PRKAA1: variants seen among roughly 807,000 people sequenced by gnomAD.
PRKAA1 encodes the protein 5'-AMP-activated protein kinase catalytic subunit alpha-1.
PRKAA1 carries 23 observed loss-of-function variants against 56.9 expected under a neutral mutation model. That is an observed-to-expected ratio of 0.40 (90% CI 0.29 to 0.57). PRKAA1 has a LOEUF of 0.57. Among genes scored for constraint, PRKAA1 ranks in the 20% least tolerant of loss-of-function variants. The probability of loss-of-function intolerance (pLI) is 0.39; values close to 1 mark genes in which losing one functional copy is unlikely to be tolerated. For missense variants in PRKAA1, 413 were observed against 679.7 expected, an observed-to-expected ratio of 0.61 and a Z score of 4.36; for synonymous variants, 226 against 227.0, an observed-to-expected ratio of 1.00 and a Z score of 0.04.
chr5:40,775,513 G>A lies in PRKAA1; in HGVS notation c.270-10C>T, dbSNP rs1270915796. ...ACTGATGACCTGGTACCTGGTGAGA[G>A]AAAACATTGTCTACAAATATTAAAA... is the stretch of plus-strand genomic sequence containing the variant. On this transcript the variant is annotated splice_polypyrimidine_tract_variant and intron_variant, in intron 2 of 8. Transcript: ENST00000397128. 3 of 1,540,476 alleles carry A rather than the reference G, an allele frequency of 1.9e-6. No individual in the cohort carries two copies. The highest frequency in any genetic ancestry group is 1.4e-5 in the African/African-American group (1 of 73,362).
At position 40,761,765 on chromosome 5, in the gene PRKAA1, AAAT is replaced by A. The variant is rs1429830483; in HGVS notation, c.*1010_*1012del. 4 of 152,360 alleles carry A rather than the reference AAAT, an allele frequency of 2.6e-5. No individual in the cohort carries two copies. Among genetic ancestry groups the A allele is most frequent in the African/African-American group, 9.6e-5 (4 of 41,464 alleles). 9.4% of individuals were successfully genotyped at this position (152,360 alleles called of 1,614,324 possible). A position where few individuals can be genotyped will look rare whatever the true frequency, so the allele number is the denominator to read the frequency against. On this transcript the variant is annotated 3_prime_UTR_variant, in exon 9 of 9. Transcript: ENST00000397128. Reference sequence around the variant, plus strand: ...CCAGAGGAATTTGTGAAATTGGCAAAAATAATATGATTTATCTACAGTATATGC... The same window carrying A: ...CCAGAGGAATTTGTGAAATTGGCAAAAATATGATTTATCTACAGTATATGC...
At chr5:40,784,936 G>A (rs1451759232) in intron 1 of PRKAA1, among the ~76,000 whole-genome samples, 2 of 152,136 alleles carry the variant, frequency 1.3e-5, no homozygotes, top group African/African-American at 2.4e-5. Context: ...CAGAAGACAT[G>A]TAAAAATACA....
intron 5 of PRKAA1, chr5:40,768,825 A>T: frequency 6.7e-7 from 1 of 1,493,360 alleles, no homozygotes. Flanking sequence ...AAAAATATTA[A>T]ATTCTCCTGT....
intron 1 of PRKAA1, among the ~76,000 whole-genome samples, chr5:40,789,310 A>G (rs1298016005): frequency 6.6e-6 from 1 of 152,240 alleles, no homozygotes; most frequent in Non-Finnish European, 1.5e-5. Flanking sequence ...TAAAGCCACA[A>G]TAAGGTATCA....
At chr5:40,781,375 A>G (rs1477936764) in intron 1 of PRKAA1, among the ~76,000 whole-genome samples, 4 of 152,136 alleles carry the variant, frequency 2.6e-5, no homozygotes, top group African/African-American at 9.7e-5. Flanking sequence ...GAGAATATAT[A>G]TTCCATCAAA....
chr5:40,766,402 A>G (rs954425934), intron 6 of PRKAA1, among the ~76,000 whole-genome samples: 1 of 152,120 alleles, frequency 6.6e-6, no homozygotes, highest in Admixed American at 6.6e-5. Context: ...ACAGGGGGGA[A>G]AAAAAAGAAA....
chr5:40,792,022 TAC>T (rs1744737137), intron 1 of PRKAA1, among the ~76,000 whole-genome samples: 1 of 152,240 alleles, frequency 6.6e-6, no homozygotes, highest in African/African-American at 2.4e-5. Flanking sequence ...ACCTGCACTA[TAC>T]ACACAGTTCA....
intron 1 of PRKAA1, among the ~76,000 whole-genome samples, chr5:40,784,671 C>T (rs1744397289): frequency 6.6e-6 from 1 of 152,114 alleles, no homozygotes; most frequent in South Asian, 2.1e-4. Flanking sequence ...TTAAAGTATA[C>T]AACTTACTAG....
At position 40,795,194 on chromosome 5, in the gene PRKAA1, C is replaced by T. The variant is rs147839193; in HGVS notation, c.127+2869G>A. On this transcript the variant is annotated intron_variant, in intron 1 of 8. Coordinates refer to ENST00000397128, the MANE Select transcript of PRKAA1 (RefSeq NM_006251.6). ...ATATGTGGGAGCTAAGCTATGAGGA[C>T]GCAAAGGCATAAGAATGATACAGTG... Among the ~76,000 whole-genome samples, 646 of 151,912 alleles carry T rather than the reference C, an allele frequency of 4.3e-3. 5 individuals are homozygous for T. Among genetic ancestry groups the T allele is most frequent in the African/African-American group, 0.015 (613 of 41,400 alleles).
At position 40,764,814 on chromosome 5, in the gene PRKAA1, G is replaced by T; in HGVS notation, c.1246C>A (p.Arg416=). Residue 416 remains arginine, a synonymous_variant, in exon 7 of 9, where the codon CGA becomes AGA. Transcript: ENST00000397128. ...ACTTCTGCCATAATATCATTTGGTC[G>T]ACTTTGACTTCTAATTCCTAAATGC... is the stretch of plus-strand genomic sequence containing the variant. ...KWHLGIRSQS[R]PNDIMAEVCR... 1 of 1,613,784 alleles carries T rather than the reference G, an allele frequency of 6.2e-7. No homozygotes were observed. Among genetic ancestry groups the T allele is most frequent in the South Asian group, 1.1e-5 (1 of 91,042 alleles).
chr5:40,770,272 G>A (rs1743671099), intron 4 of PRKAA1, among the ~76,000 whole-genome samples: 1 of 152,046 alleles, frequency 6.6e-6, no homozygotes. Flanking sequence ...AGTCCGGCCT[G>A]GCCAACATAG....
In PRKAA1 at chr5:40,761,945, T is replaced by C. The variant is rs1743206253; in HGVS notation, c.*833A>G. The C allele has an allele frequency of 6.6e-6, 1 of 152,204 alleles. No homozygotes were observed. The highest frequency in any genetic ancestry group is 2.4e-5 in the African/African-American group (1 of 41,448). 9.4% of individuals were successfully genotyped at this position (152,204 alleles called of 1,614,324 possible). On this transcript the variant is annotated 3_prime_UTR_variant, in exon 9 of 9. Transcript: ENST00000397128. ...TGAAATTTAAATTAGGTCTGATATC[T>C]GATATGACTTACCATACACTACAGA...
chr5:40,796,320 GAAAAGAA>G (rs544104119), intron 1 of PRKAA1, among the ~76,000 whole-genome samples: 318 of 149,644 alleles, frequency 2.1e-3, no homozygotes, highest in African/African-American at 7.0e-3. Flanking sequence ...CCCATCTCGG[GAAAAGAA>G]AAAAGAAAAA....
chr5:40,790,502 A>G (rs959024892), intron 1 of PRKAA1, among the ~76,000 whole-genome samples: 2 of 147,664 alleles, frequency 1.4e-5, no homozygotes, highest in Non-Finnish European at 3.0e-5. Context: ...CAGCCTTCAT[A>G]GTCTATCAGG....
chr5:40,779,894 CA>C (rs376686448), intron 1 of PRKAA1, among the ~76,000 whole-genome samples: 38 of 144,664 alleles, frequency 2.6e-4, no homozygotes, highest in East Asian at 1.4e-3. Context: ...GTCAAATATG[CA>C]AAAAAAAAGT....
intron 1 of PRKAA1, among the ~76,000 whole-genome samples, chr5:40,783,553 C>T (rs1161987343): frequency 1.3e-5 from 2 of 151,956 alleles, no homozygotes; most frequent in South Asian, 2.1e-4. Context: ...GTCAGGAGTT[C>T]GAGACCAGTT....
intron 1 of PRKAA1, 28 bp downstream of exon 1, chr5:40,798,035 G>C: frequency 6.2e-7 from 1 of 1,602,632 alleles, no homozygotes; most frequent in African/African-American, 1.4e-5. Context: ...CTCAGCTGGG[G>C]CCAAGCCTAG....
intron 2 of PRKAA1, among the ~76,000 whole-genome samples, chr5:40,776,050 G>C (rs543839173): frequency 6.6e-6 from 1 of 152,214 alleles, no homozygotes; most frequent in Non-Finnish European, 1.5e-5. Context: ...GTTTTAAGCA[G>C]TCATGTGATC....
At chr5:40,780,066 T>C (rs746920924) in intron 1 of PRKAA1, among the ~76,000 whole-genome samples, 21 of 152,178 alleles carry the variant, frequency 1.4e-4, no homozygotes, top group Non-Finnish European at 2.8e-4. Flanking sequence ...AGCTTTCTTA[T>C]ATTTTTCACC....
Sources: allele counts gnomAD v4.1 joint callset (sites outside exome capture counted in the v4.1 genomes callset), GRCh38; gene constraint gnomAD v4.1.1; transcripts MANE v1.5; gene names NCBI Gene and HGNC (gene_info 2026-07-23, HGNC 2026-07-21).